The following SFTPD variants were observed in gnomAD, a reference collection of about 807,000 sequenced individuals.
SFTPD encodes surfactant protein D.
A neutral mutation model predicts 34.6 loss-of-function variants in SFTPD; 18 were observed. That is an observed-to-expected ratio of 0.52 (90% confidence interval 0.36 to 0.77). The LOEUF (loss-of-function observed/expected upper bound fraction) is 0.77. SFTPD is among the 30% of genes least tolerant of loss of function. SFTPD has a pLI of 0.00. For missense variants in SFTPD, 433 were observed against 468.9 expected, an observed-to-expected ratio of 0.92 and a Z score of 0.71; for synonymous variants, 155 against 180.9, an observed-to-expected ratio of 0.86 and a Z score of 1.15.
In SFTPD at chr10:79,937,999, G is replaced by A. The variant is rs751074112; in HGVS notation, c.981C>T (p.Pro327=). ...TGGAATAGACCAGGGACTCTCCTGT[G>A]GGGTAGGTGAACTTGCCCTCTGTCT... The part of the protein sequence containing the change: ...DSKTEGKFTY[P]TGESLVYSNW... The change falls in exon 8 of 8, where the codon CCC becomes CCT. Residue 327 remains proline (P), a synonymous_variant. Transcript: ENST00000372292. 2.0e-5 allele frequency: 32 copies of A among 1,613,894 alleles called. No homozygotes were observed. The highest frequency in any genetic ancestry group is 8.8e-5 in the South Asian group (8 of 91,070).
chr10:79,962,903 CTCTT>C (rs1480071389), intron 1 of SFTPD, among the ~76,000 whole-genome samples: 6 of 152,092 alleles, frequency 3.9e-5, no homozygotes, highest in Non-Finnish European at 8.8e-5. Flanking sequence ...TTAAAGTTGA[CTCTT>C]TCAGGTTTTA....
At chr10:79,955,356 A>G (rs968140988) in intron 1 of SFTPD, among the ~76,000 whole-genome samples, 3 of 152,156 alleles carry the variant, frequency 2.0e-5, no homozygotes, top group African/African-American at 7.2e-5. Flanking sequence ...AATGTTTTGA[A>G]GAGTAAGGTT....
intron 1 of SFTPD, among the ~76,000 whole-genome samples, chr10:79,976,653 C>T (rs561113026): frequency 6.6e-6 from 1 of 152,288 alleles, no homozygotes; most frequent in South Asian, 2.1e-4. Flanking sequence ...CCTCCCCCTT[C>T]TGAGAACTGG....
At chr10:79,965,491 C>T (rs1842798099) in intron 1 of SFTPD, among the ~76,000 whole-genome samples, 1 of 150,644 alleles carries the variant, frequency 6.6e-6, no homozygotes, top group Admixed American at 6.6e-5. Flanking sequence ...TACCACCCTC[C>T]AAAATTTTCA....
At chr10:79,964,104 T>C (rs1480585762) in intron 1 of SFTPD, among the ~76,000 whole-genome samples, 2 of 152,108 alleles carry the variant, frequency 1.3e-5, no homozygotes, top group South Asian at 2.1e-4. Context: ...CTCCACTACC[T>C]CTCAGCAAGT....
At chr10:79,952,085 G>A (rs1842713529), upstream of SFTPD, among the ~76,000 whole-genome samples, 1 of 152,242 alleles carries the variant, frequency 6.6e-6, no homozygotes, top group Non-Finnish European at 1.5e-5. Context: ...ATGGAGGTCT[G>A]CAGAAAACAC....
intron 4 of SFTPD, 66 bp from the exon 5 acceptor site, chr10:79,942,136 C>T (rs540673244): frequency 8.2e-7 from 1 of 1,216,430 alleles, no homozygotes; most frequent in East Asian, 2.4e-5. Context: ...GTTTTGTTAG[C>T]AATGGAGCTT....
intron 7 of SFTPD, among the ~76,000 whole-genome samples, chr10:79,938,586 T>A (rs189144813): frequency 6.6e-6 from 1 of 152,340 alleles, no homozygotes; most frequent in Admixed American, 6.5e-5. Context: ...CTAGAATTGA[T>A]TTCTCAATTA....
intron 1 of SFTPD, chr10:79,968,791 A>T (rs1396331845): frequency 6.6e-6 from 1 of 152,150 alleles, no homozygotes; most frequent in Non-Finnish European, 1.5e-5. Flanking sequence ...ATTCCCACCA[A>T]CAGTGTGTAA....
At chr10:79,951,656 T>C (rs1264033969), upstream of SFTPD, among the ~76,000 whole-genome samples, 1 of 152,220 alleles carries the variant, frequency 6.6e-6, no homozygotes, top group Admixed American at 6.5e-5. Flanking sequence ...TTTTATTTGG[T>C]TGTGCAATTC....
At chr10:79,953,203 A>G (rs1047389016), upstream of SFTPD, among the ~76,000 whole-genome samples, 1 of 152,210 alleles carries the variant, frequency 6.6e-6, no homozygotes, top group African/African-American at 2.4e-5. Context: ...ACTTGTCTTT[A>G]TAATTACTTT....
chr10:79,940,801 A>C lies in SFTPD; in HGVS notation c.668-13T>G. On this transcript the variant is annotated splice_polypyrimidine_tract_variant and intron_variant, in intron 6 of 7. Transcript: ENST00000372292. The stretch of plus-strand genomic sequence containing the variant: ...AGAGAAGCAACATCTGGAGGGGAGA[A>C]AATGGCCAAGTAAAGACTTGTCCAG... 6.3e-7 allele frequency: 1 copy of C among 1,588,966 alleles called. No homozygotes were observed. The highest frequency in any genetic ancestry group is 8.6e-7 in the Non-Finnish European group (1 of 1,157,482).
chr10:79,940,205 C>T (rs1448489558), intron 7 of SFTPD, among the ~76,000 whole-genome samples: 2 of 152,198 alleles, frequency 1.3e-5, no homozygotes, highest in Non-Finnish European at 2.9e-5. Context: ...CTGGGGACTC[C>T]CATACCTGGC....
chr10:79,947,867 G>A (rs1842681187), intron 1 of SFTPD, among the ~76,000 whole-genome samples: 1 of 152,166 alleles, frequency 6.6e-6, no homozygotes. Context: ...ACTGTTTTGG[G>A]TATCTTTTCT....
intron 1 of SFTPD, among the ~76,000 whole-genome samples, chr10:79,955,873 G>T (rs1312835922): frequency 6.6e-6 from 1 of 152,168 alleles, no homozygotes; most frequent in African/African-American, 2.4e-5. Context: ...ACTGCATCCT[G>T]ACTGGTATTA....
At chr10:79,948,625 G>GC (rs571154542) in intron 1 of SFTPD, among the ~76,000 whole-genome samples, 111 of 152,288 alleles carry the variant, frequency 7.3e-4, no homozygotes, top group African/African-American at 2.5e-3. Context: ...AGAAAAACAG[G>GC]CTTGCCCTGC....
Position 79,942,372 on chromosome 10 carries a change from C to T in SFTPD, c.433+16G>A. 6.4e-7 allele frequency: 1 copy of T among 1,553,706 alleles called. No individual in the cohort carries two copies. The highest frequency in any genetic ancestry group is 8.9e-7 in the Non-Finnish European group (1 of 1,125,586). On this transcript the variant is annotated intron_variant, in intron 4 of 7. Transcript: ENST00000372292. ...CTCCTTTCCCTTCTCAGACTGGCCACAGACCAGCCACCTACCTTTGGGCCC... is the reference window on the plus strand; with the variant it reads ...CTCCTTTCCCTTCTCAGACTGGCCATAGACCAGCCACCTACCTTTGGGCCC...
intron 1 of SFTPD, among the ~76,000 whole-genome samples, chr10:79,966,950 A>G (rs1842806270): frequency 6.8e-6 from 1 of 146,986 alleles, no homozygotes; most frequent in African/African-American, 2.6e-5. Context: ...CGTTCTGGCC[A>G]GGGCAATCAG....
intron 5 of SFTPD, 103 bp from the exon 6 acceptor site, chr10:79,941,617 G>T: frequency 2.3e-6 from 2 of 852,782 alleles, no homozygotes; most frequent in Non-Finnish European, 3.7e-6. Context: ...TTATTGCCCA[G>T]AAATAGACAG....
Sources: allele counts gnomAD v4.1 joint callset (sites outside exome capture counted in the v4.1 genomes callset), GRCh38; gene constraint gnomAD v4.1.1; transcripts MANE v1.5; gene names NCBI Gene and HGNC (gene_info 2026-07-23, HGNC 2026-07-21).